The following GAD1 variants were observed in gnomAD, a reference collection of about 807,000 sequenced individuals.
GAD1 encodes the protein glutamate decarboxylase 1.
In GAD1, 35 loss-of-function variants were observed where a neutral mutation model predicts 75.2. The observed-to-expected ratio is 0.47, with a 90% CI of 0.36 to 0.62. The LOEUF is 0.62. GAD1 is among the 20% of genes least tolerant of loss of function. The pLI, the probability that GAD1 is intolerant of heterozygous loss-of-function variation, is 0.00. For synonymous variants in GAD1, 257 were observed against 271.9 expected, an observed-to-expected ratio of 0.95 and a Z score of 0.54; for missense variants, 490 against 758.5, an observed-to-expected ratio of 0.65 and a Z score of 4.16.
intron 6 of GAD1, chr2:170,843,704 C>T (rs1353328643): frequency 4.4e-6 from 1 of 225,074 alleles, no homozygotes; most frequent in African/African-American, 2.3e-5. Context: ...TTGCATTGTC[C>T]TATAATCTTA....
chr2:170,846,129 C>T (rs1216580597), intron 10 of GAD1, 66 bp downstream of exon 10: 3 of 1,307,074 alleles, frequency 2.3e-6, no homozygotes, highest in East Asian at 2.3e-5. Flanking sequence ...TAGACAAAAA[C>T]AGTCCTTGAT....
chr2:170,848,564 G>A (rs946313054), intron 11 of GAD1: 13 of 406,276 alleles, frequency 3.2e-5, no homozygotes, highest in Admixed American at 1.2e-4. Flanking sequence ...GGCAGTATAC[G>A]GAAGGCATTA....
chr2:170,852,745 A>G lies in GAD1; in HGVS notation c.1216A>G (p.Met406Val). 6.2e-7 allele frequency: 1 copy of G among 1,614,156 alleles called. No individual in the cohort carries two copies. The highest frequency in any genetic ancestry group is 8.5e-7 in the Non-Finnish European group (1 of 1,180,028). ...CTCAGTCACCTGGAACCCTCACAAG[A>G]TGATGGGCGTGCTGTTGCAGTGCTC... ...ANSVTWNPHK[M>V]MGVLLQCSAI... Residue 406 changes from methionine (M) to valine (V), a missense_variant, in exon 13 of 17, where the codon ATG becomes GTG. Around this residue, in one of 3 missense-constraint regions of GAD1, gnomAD observed 324 missense variants for 523.9 expected, o/e 0.62. Transcript: ENST00000358196.
Position 170,860,089 on chromosome 2 carries a change from A to G in GAD1, c.*207A>G, listed in dbSNP as rs1225122163. ...TTTTAAAAAGTTGCACATTAGGAAC[A>G]GAGTATATATGTACAGTTATACATA... On this transcript the variant is annotated 3_prime_UTR_variant, in exon 17 of 17. Coordinates refer to ENST00000358196, the MANE Select transcript of GAD1 (RefSeq NM_000817.3). 1 of 592,462 alleles carries G rather than the reference A, an allele frequency of 1.7e-6. No homozygotes were observed. The highest frequency in any genetic ancestry group is 3.0e-6 in the Non-Finnish European group (1 of 330,916). The allele number at this position is 592,462 out of a possible 1,614,324, so 36.7% of individuals were successfully genotyped here. A position where few individuals can be genotyped will look rare whatever the true frequency, so the allele number is the denominator to read the frequency against.
At chr2:170,821,146 T>C (rs1159306956) in intron 2 of GAD1, among the ~76,000 whole-genome samples, 1 of 151,974 alleles carries the variant, frequency 6.6e-6, no homozygotes, top group African/African-American at 2.4e-5. Context: ...GGTAAGCGAG[T>C]GCTTGGAGAG....
At position 170,827,905 on chromosome 2, in the gene GAD1, G is replaced by C. The variant is rs150390985; in HGVS notation, c.146-1570G>C. ...CAGTACCTTCATTCAAGGAGAGGGG[G>C]TGGTGCAAGAAAAGCTGCATTCAGG... On this transcript the variant is annotated intron_variant, in intron 3 of 16. Coordinates refer to ENST00000358196, the MANE Select transcript of GAD1 (RefSeq NM_000817.3). Among the ~76,000 whole-genome samples the C allele has an allele frequency of 6.8e-3, 1,038 of 152,222 alleles. 11 individuals are homozygous for C. Among genetic ancestry groups the C allele is most frequent in the African/African-American group, 0.024 (980 of 41,508 alleles).
At chr2:170,839,467 AG>A (rs1297015283) in intron 6 of GAD1, among the ~76,000 whole-genome samples, 1 of 151,768 alleles carries the variant, frequency 6.6e-6, no homozygotes, top group African/African-American at 2.4e-5. Flanking sequence ...CACAAAAATG[AG>A]CCGGGTGTGG....
chr2:170,828,405 A>AC (rs1702095814), intron 3 of GAD1, among the ~76,000 whole-genome samples: 1 of 57,868 alleles, frequency 1.7e-5, no homozygotes, highest in Admixed American at 2.0e-4. Context: ...TGCTGTCCCC[A>AC]CCCTCCTCCC....
At position 170,829,572 on chromosome 2, in the gene GAD1, C is replaced by A. The variant is rs762948682; in HGVS notation, c.243C>A (p.Asn81Lys). Residue 81 changes from asparagine (N) to lysine (K), a missense_variant, in exon 4 of 17, where the codon AAC (asparagine) becomes AAA (lysine). By Grantham distance (94) the Asn-to-Lys change is moderately conservative. Around this residue, in one of 3 missense-constraint regions of GAD1, gnomAD observed 165 missense variants for 216.4 expected, o/e 0.76. Transcript: ENST00000358196. ...CCAAGAACCTGCTTTCCTGTGAAAA[C>A]AGCGACCGGGATGCCCGCTTCCGGC... ...QSSKNLLSCENSDRDARFRRT... is the reference protein window; with the variant it reads ...QSSKNLLSCEKSDRDARFRRT... 1.9e-6 allele frequency: 3 copies of A among 1,613,984 alleles called. No homozygotes were observed. The highest frequency in any genetic ancestry group is 2.5e-6 in the Non-Finnish European group (3 of 1,180,034).
intron 5 of GAD1, among the ~76,000 whole-genome samples, chr2:170,833,886 G>A (rs534329364): frequency 6.6e-6 from 1 of 152,218 alleles, no homozygotes; most frequent in East Asian, 1.9e-4. Flanking sequence ...TGTGATCCCA[G>A]CTACTCTGGA....
Position 170,818,093 on chromosome 2 carries a change from G to C in GAD1, c.-63-436G>C. The C allele has an allele frequency of 6.2e-6, 1 of 160,876 alleles. No individual in the cohort carries two copies. 10.0% of individuals were successfully genotyped at this position (160,876 alleles called of 1,614,324 possible). The stretch of plus-strand genomic sequence containing the variant: ...TGCCCGCCCCGTGCGCCCTCCCCCC[G>C]CTGGCCCACACGCCGGCTGCTGAGT... On this transcript the variant is annotated intron_variant, in intron 1 of 16. Coordinates refer to ENST00000358196, the MANE Select transcript of GAD1 (RefSeq NM_000817.3). The surrounding 1 kb of genome is among the most constrained non-coding windows in gnomAD (Gnocchi z 5.9).
intron 15 of GAD1, among the ~76,000 whole-genome samples, 186 bp from the exon 16 acceptor site, chr2:170,858,618 T>G (rs1702900263): frequency 6.6e-6 from 1 of 152,192 alleles, no homozygotes. Context: ...ACAGCTCTCT[T>G]GCCACATATG....
At chr2:170,824,378 T>TAC (rs10529529) in intron 3 of GAD1, among the ~76,000 whole-genome samples, 16,536 of 145,954 alleles carry the variant, frequency 0.11, 950 homozygotes, top group Middle Eastern at 0.19. Flanking sequence ...CCTGCCTGCC[T>TAC]ACACACACAC....
chr2:170,814,359 G>T (rs1701659820), upstream of GAD1, among the ~76,000 whole-genome samples: 1 of 152,210 alleles, frequency 6.6e-6, no homozygotes, highest in South Asian at 2.1e-4. Context: ...AAGGACGGGC[G>T]CTGTCCTTCG....
Position 170,853,002 on chromosome 2 carries a change from C to T in GAD1, c.1263+210C>T. ...CTGGCTACTGTGCTTCTTCTTTGATCAGTACTCAGGGTCTGTCAGCAACTG... is the reference window on the plus strand; with the variant it reads ...CTGGCTACTGTGCTTCTTCTTTGATTAGTACTCAGGGTCTGTCAGCAACTG... On this transcript the variant is annotated intron_variant, in intron 13 of 16. Transcript: ENST00000358196. The surrounding 1 kb of genome is among the most constrained non-coding windows in gnomAD (Gnocchi z 4.1). The T allele has an allele frequency of 1.6e-6, 1 of 641,366 alleles. No homozygotes were observed. Among genetic ancestry groups the T allele is most frequent in the Non-Finnish European group, 2.8e-6 (1 of 355,534 alleles). The allele number at this position is 641,366 out of a possible 1,614,324, so 39.7% of individuals were successfully genotyped here. A position where few individuals can be genotyped will look rare whatever the true frequency, so the allele number is the denominator to read the frequency against.
rs35403424 is a variant in GAD1, at chr2:170,848,647, A to AT, written c.1120-628dup. ...CATTTTCACATGTGTGACTGGGTGT[A>AT]TTTTTTTTTTTCTTTCTCTCTGCCC... On this transcript the variant is annotated intron_variant, in intron 11 of 16. Transcript: ENST00000358196. 5.7e-3 allele frequency: 2,580 copies of AT among 451,740 alleles called. 5 individuals are homozygous for AT. The highest frequency in any genetic ancestry group is 0.017 in the East Asian group (265 of 15,506). 28.0% of individuals were successfully genotyped at this position (451,740 alleles called of 1,614,324 possible).
At chr2:170,823,543 C>T (rs1320855826) in intron 3 of GAD1, among the ~76,000 whole-genome samples, 1 of 152,196 alleles carries the variant, frequency 6.6e-6, no homozygotes, top group Admixed American at 6.5e-5. Flanking sequence ...GTTTGGCCTT[C>T]TCCCCAGCGC....
chr2:170,834,000 C>CA (rs780406848), intron 5 of GAD1, among the ~76,000 whole-genome samples: 4,493 of 137,454 alleles, frequency 0.033, 235 homozygotes, highest in East Asian at 0.25. Flanking sequence ...GACCCTGTTT[C>CA]AAAAAAAAAA....
In GAD1 at chr2:170,845,567, T is replaced by G. The variant is rs766305351; in HGVS notation, c.813T>G (p.Val271=). Residue 271 remains valine, a synonymous_variant, in exon 8 of 17, where the codon GTT becomes GTG. Transcript: ENST00000358196. ...MAARYKYFPE[V]KTKGMAAVPK... is the part of the protein sequence containing the mutation. The stretch of plus-strand genomic sequence containing the variant: ...CTCGCTACAAGTACTTCCCGGAAGT[T>G]AAGACAAAGGGCATGGCGGCTGTGC... 1.2e-6 allele frequency: 2 copies of G among 1,614,038 alleles called. No individual in the cohort carries two copies. The highest frequency in any genetic ancestry group is 1.7e-6 in the Non-Finnish European group (2 of 1,180,040).
Sources: gnomAD v4.1 joint callset for allele counts (sites outside exome capture counted in the v4.1 genomes callset) on GRCh38, gnomAD v4.1.1 for gene constraint, gnomAD v4.1.1 regional missense constraint, Gnocchi (gnomAD v3.1) non-coding constraint, MANE v1.5 for transcripts, NCBI Gene and HGNC (gene_info 2026-07-23, HGNC 2026-07-21) for gene names.